The following TOPAZ1 variants were observed in gnomAD, a reference collection of about 807,000 sequenced individuals.
TOPAZ1 encodes testis and ovary specific TOPAZ 1.
Under a neutral mutation model 172.2 loss-of-function variants are expected in TOPAZ1, and 66 were observed. The observed-to-expected ratio is 0.38, with a 90% CI of 0.31 to 0.47. The LOEUF is 0.47. TOPAZ1 is among the 20% of genes least tolerant of loss of function. The probability of loss-of-function intolerance (pLI) is 0.99; values close to 1 mark genes in which losing one functional copy is unlikely to be tolerated. For missense variants in TOPAZ1, 1,822 were observed against 1,972.4 expected (o/e 0.92, Z 1.44); for synonymous variants, 681 against 683.9 (o/e 1.00, Z 0.07).
chr3:44,272,664 G>A (rs1045955996), intron 8 of TOPAZ1, among the ~76,000 whole-genome samples: 1 of 152,038 alleles, frequency 6.6e-6, no homozygotes, highest in Admixed American at 6.6e-5. Context: ...TGGTTCAAGC[G>A]ATTCTTCTGC....
At chr3:44,319,589 A>G (rs373973370) in intron 16 of TOPAZ1, among the ~76,000 whole-genome samples, 11 of 152,354 alleles carry the variant, frequency 7.2e-5, no homozygotes, top group African/African-American at 2.6e-4. Context: ...ACAGATGATC[A>G]TACAGTCTTT....
At chr3:44,296,680 A>C (rs1314374327) in intron 12 of TOPAZ1, among the ~76,000 whole-genome samples, 2 of 152,094 alleles carry the variant, frequency 1.3e-5, no homozygotes, top group Admixed American at 1.3e-4. Flanking sequence ...AAGCTTCCAA[A>C]AAAGACATTT....
chr3:44,267,140 C>T lies in TOPAZ1; in HGVS notation c.3160+4C>T. 6.7e-7 allele frequency: 1 copy of T among 1,503,354 alleles called. No individual in the cohort carries two copies. The highest frequency in any genetic ancestry group is 8.9e-7 in the Non-Finnish European group (1 of 1,127,604). The allele number at this position is 1,503,354 out of a possible 1,614,324, so 93.1% of individuals were successfully genotyped here. The stretch of plus-strand genomic sequence containing the variant: ...ATACTGAATACCTGGATGAATGGTA[C>T]TATTTGTTTTCTTAATGAAATCCTG... On this transcript the variant is annotated splice_donor_region_variant and intron_variant, in intron 6 of 19. Transcript: ENST00000309765.
In TOPAZ1 at chr3:44,244,049, T is replaced by G; in HGVS notation, c.1543T>G (p.Ser515Ala). The change falls in exon 2 of 20, where the codon TCA becomes GCA. Residue 515 changes from serine (S) to alanine (A), a missense_variant. By Grantham distance (99) the Ser-to-Ala change is moderately conservative (BLOSUM62 1). Around this residue, in one of 2 missense-constraint regions of TOPAZ1, gnomAD observed 1,489 missense variants for 1,490.8 expected, o/e 1.00. Coordinates refer to ENST00000309765, the MANE Select transcript of TOPAZ1 (RefSeq NM_001145030.2). ...TTGGAAAAAGGCTTCCTTGCCAGAA[T>G]CAAGTTACTTTCTTCGTGGGTCTCA... ...WCWKKASLPE[S>A]SYFLRGSQES... 6.4e-7 allele frequency: 1 copy of G among 1,551,848 alleles called. No homozygotes were observed. Among genetic ancestry groups the G allele is most frequent in the South Asian group, 1.2e-5 (1 of 84,034 alleles).
At chr3:44,310,132 T>C (rs1174447270) in intron 16 of TOPAZ1, 142 bp downstream of exon 16, 3 of 682,476 alleles carry the variant, frequency 4.4e-6, no homozygotes, top group South Asian at 4.6e-5. Flanking sequence ...GGAAAGGTTG[T>C]CATGTAAACT....
intron 16 of TOPAZ1, among the ~76,000 whole-genome samples, chr3:44,315,780 A>G (rs1458932543): frequency 6.6e-6 from 1 of 152,098 alleles, no homozygotes; most frequent in East Asian, 1.9e-4. Flanking sequence ...CTACTCATCA[A>G]GACCTACTAC....
chr3:44,244,111 A>G lies in TOPAZ1; in HGVS notation c.1605A>G (p.Gln535=). The change falls in exon 2 of 20, where the codon CAA becomes CAG. Residue 535 remains glutamine, a synonymous_variant. Transcript: ENST00000309765. ...GGCAAGTTGATGTCCCTAAACACCA[A>G]ACAAACCAGACCCATTTAACTGACT... is the stretch of plus-strand genomic sequence containing the variant. ...SCRQVDVPKH[Q]TNQTHLTDSK... 6.4e-7 allele frequency: 1 copy of G among 1,551,710 alleles called. No homozygotes were observed. Among genetic ancestry groups the G allele is most frequent in the Non-Finnish European group, 8.7e-7 (1 of 1,146,972 alleles).
chr3:44,276,646 TTTTTTTTCC>T (rs1699962452), intron 8 of TOPAZ1, among the ~76,000 whole-genome samples: 3 of 117,112 alleles, frequency 2.6e-5, no homozygotes, highest in Non-Finnish European at 5.3e-5. Flanking sequence ...TTTTTTTTTT[TTTTTTTTCC>T]AGAATTGCTT....
intron 16 of TOPAZ1, among the ~76,000 whole-genome samples, chr3:44,310,794 A>G (rs921962306): frequency 2.6e-5 from 4 of 152,344 alleles, no homozygotes; most frequent in African/African-American, 9.6e-5. Flanking sequence ...CTTCATATGT[A>G]TGGGCAAACA....
At chr3:44,315,200 CGTGTGTGTGTGTGT>C (rs71089096) in intron 16 of TOPAZ1, among the ~76,000 whole-genome samples, 2 of 150,176 alleles carry the variant, frequency 1.3e-5, no homozygotes, top group Admixed American at 6.6e-5. Context: ...TTTGAAAGAA[CGTGTGTGTGTGTGT>C]GTGTGTGTGT....
At chr3:44,331,590 G>C (rs1427013725) in intron 19 of TOPAZ1, among the ~76,000 whole-genome samples, 17 of 152,178 alleles carry the variant, frequency 1.1e-4, no homozygotes, top group Admixed American at 9.8e-4. Flanking sequence ...AGCGTCCAAA[G>C]CGCTGGGGTT....
At chr3:44,325,211 A>G (rs541973814) in intron 18 of TOPAZ1, among the ~76,000 whole-genome samples, 1 of 152,324 alleles carries the variant, frequency 6.6e-6, no homozygotes, top group Non-Finnish European at 1.5e-5. Flanking sequence ...GAGCCTTTCA[A>G]TGGTATATAA....
intron 8 of TOPAZ1, among the ~76,000 whole-genome samples, chr3:44,272,122 A>C (rs1224217665): frequency 1.3e-5 from 2 of 152,176 alleles, no homozygotes; most frequent in East Asian, 3.9e-4. Context: ...TATATATACC[A>C]CATTTGCTTA....
intron 16 of TOPAZ1, among the ~76,000 whole-genome samples, chr3:44,318,783 T>A (rs1050938096): frequency 2.7e-5 from 4 of 147,878 alleles, no homozygotes; most frequent in Admixed American, 1.4e-4. Flanking sequence ...TATATGTATT[T>A]TATATATATA....
intron 12 of TOPAZ1, among the ~76,000 whole-genome samples, chr3:44,292,832 A>G (rs1490967602): frequency 2.0e-5 from 3 of 152,190 alleles, no homozygotes; most frequent in Non-Finnish European, 4.4e-5. Flanking sequence ...GAAATATGCT[A>G]TACATTTCTG....
intron 15 of TOPAZ1, among the ~76,000 whole-genome samples, chr3:44,307,518 G>A (rs1035923682): frequency 1.3e-5 from 2 of 152,050 alleles, no homozygotes; most frequent in African/African-American, 4.8e-5. Flanking sequence ...GAGGTGGCAG[G>A]TGGAGTTATA....
chr3:44,262,346 C>T (rs1398283776), intron 4 of TOPAZ1, 73 bp from the exon 5 acceptor site: 2 of 664,868 alleles, frequency 3.0e-6, no homozygotes, highest in South Asian at 2.8e-5. Flanking sequence ...ATAATAAATC[C>T]AGTAAGCCTC....
intron 5 of TOPAZ1, among the ~76,000 whole-genome samples, chr3:44,264,031 A>G (rs1699802871): frequency 6.6e-6 from 1 of 152,202 alleles, no homozygotes; most frequent in African/African-American, 2.4e-5. Context: ...CTGAAGACTA[A>G]TTTATAATTC....
At chr3:44,292,676 G>A (rs994061584) in intron 12 of TOPAZ1, among the ~76,000 whole-genome samples, 1 of 152,108 alleles carries the variant, frequency 6.6e-6, no homozygotes, top group Non-Finnish European at 1.5e-5. Flanking sequence ...TGTAATAGTT[G>A]TATATGTTTA....
Sources: allele counts gnomAD v4.1 joint callset (sites outside exome capture counted in the v4.1 genomes callset), GRCh38; gene constraint gnomAD v4.1.1; regional missense constraint gnomAD v4.1.1; transcripts MANE v1.5; gene names NCBI Gene and HGNC (gene_info 2026-07-23, HGNC 2026-07-21).